Variants in GRIN2A observed in about 807,000 individuals in gnomAD.
GRIN2A encodes glutamate receptor ionotropic, NMDA 2A.
In GRIN2A, 22 loss-of-function variants were observed where a neutral mutation model predicts 113.4. The ratio of observed to expected loss-of-function variants is 0.19; its 90% CI spans 0.14 to 0.28. The LOEUF is 0.28. Ranked by LOEUF, GRIN2A falls within the 10% of genes least tolerant of loss-of-function variation. The pLI is 1.00. For missense variants in GRIN2A, 1,502 were observed against 1,887.0 expected, an observed-to-expected ratio of 0.80 and a Z score of 3.78; for synonymous variants, 827 against 738.4, an observed-to-expected ratio of 1.12 and a Z score of -1.94.
chr16:10,009,748 GA>G (rs35214802), intron 2 of GRIN2A, among the ~76,000 whole-genome samples: 49,795 of 146,004 alleles, frequency 0.34, 8,939 homozygotes, highest in Non-Finnish European at 0.41. Context: ...AAATGAGAAA[GA>G]AAAAAAAAAA....
intron 2 of GRIN2A, among the ~76,000 whole-genome samples, chr16:10,041,215 C>T (rs1354897976): frequency 1.3e-5 from 2 of 152,222 alleles, no homozygotes; most frequent in East Asian, 3.8e-4. Flanking sequence ...TTTTTACCAG[C>T]TAATTCTTCC....
intron 2 of GRIN2A, among the ~76,000 whole-genome samples, chr16:10,179,080 T>A (rs1226605905): frequency 6.6e-6 from 1 of 152,204 alleles, no homozygotes; most frequent in Non-Finnish European, 1.5e-5. Flanking sequence ...AACCAGGCTG[T>A]CATAACATCG....
chr16:10,068,004 C>G (rs907474578), intron 2 of GRIN2A, among the ~76,000 whole-genome samples: 6 of 152,210 alleles, frequency 3.9e-5, no homozygotes, highest in African/African-American at 1.4e-4. Flanking sequence ...ATTAAACTCT[C>G]TAGGCTACAA....
intron 2 of GRIN2A, among the ~76,000 whole-genome samples, chr16:10,105,312 A>G (rs949514333): frequency 1.3e-5 from 2 of 152,188 alleles, no homozygotes; most frequent in Non-Finnish European, 2.9e-5. Flanking sequence ...CTCCAAATTT[A>G]ACAGTTTGCA....
chr16:10,155,697 A>C (rs1197083029), intron 2 of GRIN2A, among the ~76,000 whole-genome samples: 1 of 152,118 alleles, frequency 6.6e-6, no homozygotes, highest in Non-Finnish European at 1.5e-5. Flanking sequence ...ACAGTTCCAC[A>C]TGGCTGGGGA....
chr16:9,975,542 A>G (rs1356565818), intron 2 of GRIN2A, among the ~76,000 whole-genome samples: 1 of 152,242 alleles, frequency 6.6e-6, no homozygotes, highest in Non-Finnish European at 1.5e-5. Context: ...TGGGAACCTC[A>G]GTTCCACAAC....
intron 2 of GRIN2A, among the ~76,000 whole-genome samples, chr16:10,109,033 AAAC>A (rs1482122188): frequency 0.017 from 2,200 of 127,728 alleles, 49 homozygotes; most frequent in African/African-American, 0.066. Context: ...AAAAAAAAAA[AAAC>A]AAAATTGATA....
At position 9,769,031 on chromosome 16, in the gene GRIN2A, G is replaced by A. The variant is rs777235967; in HGVS notation, c.2415C>T (p.Asn805=). ...TGTCCAGCTGGCTGCTCATCACCTC[G>A]TTCTTCTCGTTGTGGCAGATCCCAG... is the stretch of plus-strand genomic sequence containing the variant. ...WLTGICHNEK[N]EVMSSQLDID... The change falls in exon 12 of 13, where the codon AAC becomes AAT. Residue 805 remains asparagine (N), a synonymous_variant. Transcript: ENST00000330684. The A allele has an allele frequency of 1.1e-5, 17 of 1,614,174 alleles. No individual in the cohort carries two copies. Among genetic ancestry groups the A allele is most frequent in the Non-Finnish European group, 1.4e-5 (16 of 1,180,016 alleles).
At chr16:10,002,371 G>C (rs929978256) in intron 2 of GRIN2A, among the ~76,000 whole-genome samples, 9 of 152,164 alleles carry the variant, frequency 5.9e-5, no homozygotes, top group African/African-American at 1.9e-4. Context: ...CATAATAGAT[G>C]AAACACCTAA....
intron 10 of GRIN2A, 53 bp downstream of exon 10, chr16:9,822,211 T>C (rs2042298753): frequency 2.5e-6 from 4 of 1,587,174 alleles, no homozygotes; most frequent in Non-Finnish European, 2.6e-6. Context: ...AGTCAATTTC[T>C]GTAAGGTTTA....
At chr16:9,961,826 C>T (rs1292378467) in intron 2 of GRIN2A, among the ~76,000 whole-genome samples, 1 of 152,182 alleles carries the variant, frequency 6.6e-6, no homozygotes, top group Non-Finnish European at 1.5e-5. Flanking sequence ...CCAAGTTAAT[C>T]CTCAGCCAAA....
chr16:9,849,921 G>A lies in GRIN2A; in HGVS notation c.1163C>T (p.Ala388Val), dbSNP rs2141369852. The A allele has an allele frequency of 6.2e-7, 1 of 1,614,056 alleles. No individual in the cohort carries two copies. Among genetic ancestry groups the A allele is most frequent in the South Asian group, 1.1e-5 (1 of 91,080 alleles). Residue 388 changes from alanine to valine, a missense_variant, in exon 5 of 13, where the codon GCC becomes GTC. This residue lies in a region of GRIN2A where 334 missense variants were observed against 403.0 expected (regional missense o/e 0.83). Coordinates refer to ENST00000330684, the MANE Select transcript of GRIN2A (RefSeq NM_001134407.3). ...GAAGGACTTGTACCTGGGCCACACG[G>A]CGTGCCTCAGGCTCAGCGTATGGTT... is the stretch of plus-strand genomic sequence containing the variant. ...WENHTLSLRH[A>V]VWPRYKSFSD...
At position 10,122,266 on chromosome 16, in the gene GRIN2A, T is replaced by A. The variant is rs937479593; in HGVS notation, c.414+57732A>T. ...TCTGGCTACAGGAGAAACCTGGCAC[T>A]GTGCACAAGATCCCCTTTTTTAGCA... On this transcript the variant is annotated intron_variant, in intron 2 of 12. Coordinates refer to ENST00000330684, the MANE Select transcript of GRIN2A (RefSeq NM_001134407.3). 1.2e-4 allele frequency among the ~76,000 whole-genome samples: 19 copies of A among 152,240 alleles called. 1 individual carries two copies. The highest frequency in any genetic ancestry group is 4.6e-4 in the African/African-American group (19 of 41,462).
At chr16:9,902,657 C>A (rs796696072) in intron 3 of GRIN2A, among the ~76,000 whole-genome samples, 8 of 152,296 alleles carry the variant, frequency 5.3e-5, no homozygotes, top group African/African-American at 1.9e-4. Flanking sequence ...CCTCCCTACA[C>A]CTCAGTTGCC....
chr16:9,901,624 T>A (rs981891000), intron 3 of GRIN2A, among the ~76,000 whole-genome samples: 1 of 152,096 alleles, frequency 6.6e-6, no homozygotes, highest in African/African-American at 2.4e-5. Flanking sequence ...CACACCTGGC[T>A]AATTGTTTGT....
intron 2 of GRIN2A, among the ~76,000 whole-genome samples, chr16:10,172,395 G>C (rs945936176): frequency 6.6e-6 from 1 of 152,222 alleles, no homozygotes; most frequent in South Asian, 2.1e-4. Flanking sequence ...GGCATCCATG[G>C]TTGCATACAT....
chr16:10,030,505 C>T (rs2046908755), intron 2 of GRIN2A, among the ~76,000 whole-genome samples: 1 of 152,078 alleles, frequency 6.6e-6, no homozygotes, highest in African/African-American at 2.4e-5. Context: ...TTACTGTTGC[C>T]CTGGGGGTGA....
chr16:10,061,830 A>T (rs1024028721), intron 2 of GRIN2A, among the ~76,000 whole-genome samples: 1 of 152,216 alleles, frequency 6.6e-6, no homozygotes, highest in Non-Finnish European at 1.5e-5. Flanking sequence ...AGTTCCCTCC[A>T]AAAGTGGCAG....
chr16:9,847,643 AAT>A (rs1465074611), intron 5 of GRIN2A, among the ~76,000 whole-genome samples: 294 of 149,348 alleles, frequency 2.0e-3, no homozygotes, highest in African/African-American at 5.6e-3. Flanking sequence ...AACACATAAA[AAT>A]ATATGTTTTA....
Sources: allele counts gnomAD v4.1 joint callset (sites outside exome capture counted in the v4.1 genomes callset), GRCh38; gene constraint gnomAD v4.1.1; regional missense constraint gnomAD v4.1.1; transcripts MANE v1.5; gene names NCBI Gene and HGNC (gene_info 2026-07-23, HGNC 2026-07-21).